Variants in CTNNA3 observed in about 807,000 individuals in gnomAD.
CTNNA3 encodes the protein catenin alpha-3.
Under a neutral mutation model 95.7 loss-of-function variants are expected in CTNNA3, and 76 were observed. The ratio of observed to expected loss-of-function variants is 0.79; its 90% CI spans 0.66 to 0.96. The LOEUF is 0.96. CTNNA3 is among the 40% of genes least tolerant of loss of function. The pLI is 0.00. For missense variants in CTNNA3, 1,191 were observed against 1,089.8 expected (o/e 1.09, Z -1.31); for synonymous variants, 431 against 374.4 (o/e 1.15, Z -1.74).
chr10:67,700,489 T>A (rs1316635178), upstream of CTNNA3, among the ~76,000 whole-genome samples: 9 of 152,090 alleles, frequency 5.9e-5, no homozygotes, highest in Non-Finnish European at 7.3e-5. Flanking sequence ...TGTTTTGCAA[T>A]CTCCGCTGCT....
At chr10:67,079,581 G>T (rs764757093) in intron 7 of CTNNA3, among the ~76,000 whole-genome samples, 5 of 152,128 alleles carry the variant, frequency 3.3e-5, no homozygotes, top group Admixed American at 6.6e-5. Context: ...CCAGCGCGGT[G>T]GCTCATGCCT....
chr10:67,112,012 CAA>C (rs1175013759), intron 7 of CTNNA3, among the ~76,000 whole-genome samples: 3 of 151,292 alleles, frequency 2.0e-5, no homozygotes, highest in Non-Finnish European at 4.4e-5. Flanking sequence ...TTTAGCCTCC[CAA>C]AAAAAAGTGT....
chr10:67,219,880 T>C lies in CTNNA3; in HGVS notation c.580-10A>G, dbSNP rs1438502839. The C allele has an allele frequency of 6.3e-7, 1 of 1,594,694 alleles. No individual in the cohort carries two copies. The highest frequency in any genetic ancestry group is 2.2e-5 in the East Asian group (1 of 44,546). On this transcript the variant is annotated splice_polypyrimidine_tract_variant and intron_variant, in intron 5 of 17. Coordinates refer to ENST00000433211, the MANE Select transcript of CTNNA3 (RefSeq NM_013266.4). The stretch of plus-strand genomic sequence containing the variant: ...TTGGAGATTTTAAGTCCTGAGAAGG[T>C]AAATAAAAAGAGTGGTATCTTACAA...
Position 67,071,512 on chromosome 10 carries a change from G to A in CTNNA3, c.1047+108805C>T, listed in dbSNP as rs77382323. Among the ~76,000 whole-genome samples the A allele has an allele frequency of 1.1e-3, 45 of 41,294 alleles. 1 individual carries two copies. The highest frequency in any genetic ancestry group is 0.053 in the Middle Eastern group (2 of 38). 27.1% of individuals were successfully genotyped at this position (41,294 alleles called of 152,430 possible). On this transcript the variant is annotated intron_variant, in intron 7 of 17. Coordinates refer to ENST00000433211, the MANE Select transcript of CTNNA3 (RefSeq NM_013266.4). Reference sequence around the variant, plus strand: ...CTTAGAGCTCTTTAAAGTTTTTTTTGTTTGTTTGTTTCTTTGACTTCATTT... The same window carrying A: ...CTTAGAGCTCTTTAAAGTTTTTTTTATTTGTTTGTTTCTTTGACTTCATTT...
intron 10 of CTNNA3, among the ~76,000 whole-genome samples, chr10:66,568,870 G>A (rs1314151982): frequency 1.3e-5 from 2 of 151,960 alleles, no homozygotes; most frequent in East Asian, 3.9e-4. Flanking sequence ...AACCTGGGAA[G>A]CGAAGTCTGC....
chr10:66,900,737 GC>G (rs1245412474), intron 7 of CTNNA3, among the ~76,000 whole-genome samples: 1 of 152,150 alleles, frequency 6.6e-6, no homozygotes, highest in Non-Finnish European at 1.5e-5. Flanking sequence ...ACAGGCACAA[GC>G]TTCAGTAGCC....
intron 10 of CTNNA3, among the ~76,000 whole-genome samples, chr10:66,545,003 A>G (rs1841992603): frequency 6.6e-6 from 1 of 152,088 alleles, no homozygotes; most frequent in Non-Finnish European, 1.5e-5. Flanking sequence ...ATCACCCTAT[A>G]GTAGAACTCT....
At chr10:66,667,133 C>T (rs115150755) in intron 9 of CTNNA3, among the ~76,000 whole-genome samples, 68 of 151,842 alleles carry the variant, frequency 4.5e-4, no homozygotes, top group Middle Eastern at 3.4e-3. Flanking sequence ...TTCACTACCG[C>T]GAGGTTTCCA....
chr10:66,446,649 A>T (rs891375650), intron 11 of CTNNA3, among the ~76,000 whole-genome samples: 1 of 152,214 alleles, frequency 6.6e-6, no homozygotes, highest in Non-Finnish European at 1.5e-5. Context: ...AACTCTCAAT[A>T]AATTACGTAT....
At chr10:65,955,160 G>A (rs928566493) in intron 17 of CTNNA3, among the ~76,000 whole-genome samples, 4 of 152,132 alleles carry the variant, frequency 2.6e-5, no homozygotes, top group Admixed American at 6.5e-5. Context: ...TTGTGAATGG[G>A]AGTTCACTCA....
chr10:67,676,220 T>C (rs1464410683), intron 1 of CTNNA3, among the ~76,000 whole-genome samples: 2 of 152,150 alleles, frequency 1.3e-5, no homozygotes, highest in Non-Finnish European at 2.9e-5. Context: ...AACTTGATTG[T>C]CTTTTATAAA....
chr10:66,988,704 G>C (rs1850868185), intron 7 of CTNNA3, among the ~76,000 whole-genome samples: 1 of 152,022 alleles, frequency 6.6e-6, no homozygotes, highest in Admixed American at 6.6e-5. Flanking sequence ...GTCTGATTAG[G>C]TCACCTCTGA....
intron 1 of CTNNA3, among the ~76,000 whole-genome samples, chr10:67,727,079 T>TATATGATATAATTATATATATGATAC (rs1564841580): frequency 1.8e-5 from 2 of 112,828 alleles, no homozygotes; most frequent in African/African-American, 8.0e-5. Flanking sequence ...ATATGATACA[T>TATATGATATAATTATATATATGATAC]ATATGATATA....
intron 5 of CTNNA3, among the ~76,000 whole-genome samples, chr10:67,405,819 C>T (rs1394042717): frequency 6.6e-6 from 1 of 152,158 alleles, no homozygotes; most frequent in Admixed American, 6.5e-5. Context: ...CACTCCTCAG[C>T]AAATGTAAAA....
At chr10:66,501,971 G>C (rs1000862986) in intron 11 of CTNNA3, among the ~76,000 whole-genome samples, 2 of 152,068 alleles carry the variant, frequency 1.3e-5, no homozygotes, top group African/African-American at 4.8e-5. Flanking sequence ...AGACTTCACC[G>C]TAAGATTACA....
intron 11 of CTNNA3, among the ~76,000 whole-genome samples, chr10:66,445,673 A>G (rs1413509860): frequency 6.6e-6 from 1 of 152,134 alleles, no homozygotes; most frequent in African/African-American, 2.4e-5. Flanking sequence ...CGTTCAAAGC[A>G]GTGTGTAGAG....
At chr10:67,287,901 C>G (rs1839673926) in intron 5 of CTNNA3, among the ~76,000 whole-genome samples, 1 of 152,150 alleles carries the variant, frequency 6.6e-6, no homozygotes, top group East Asian at 1.9e-4. Flanking sequence ...ACAACTTTTA[C>G]TGAGAGTAGA....
intron 1 of CTNNA3, among the ~76,000 whole-genome samples, chr10:67,650,127 C>T (rs1370222284): frequency 1.3e-5 from 2 of 152,206 alleles, no homozygotes; most frequent in Non-Finnish European, 2.9e-5. Context: ...GCGTGAGCCA[C>T]CACCCTGGCC....
At chr10:66,529,719 T>C (rs2132045516) in intron 10 of CTNNA3, among the ~76,000 whole-genome samples, 1 of 152,218 alleles carries the variant, frequency 6.6e-6, no homozygotes, top group East Asian at 1.9e-4. Context: ...TTGTTTTTCA[T>C]CCCCTGAGAA....
Sources: allele counts gnomAD v4.1 joint callset (sites outside exome capture counted in the v4.1 genomes callset), GRCh38; gene constraint gnomAD v4.1.1; transcripts MANE v1.5; gene names NCBI Gene and HGNC (gene_info 2026-07-23, HGNC 2026-07-21).